SPATA1: variants seen among roughly 807,000 people sequenced by gnomAD.
SPATA1 encodes spermatogenesis-associated protein 1.
SPATA1 carries 57 observed loss-of-function variants against 59.6 expected under a neutral mutation model. The observed-to-expected ratio is 0.96, with a 90% confidence interval of 0.77 to 1.19. SPATA1 has a LOEUF of 1.19. Among genes scored for constraint, SPATA1 ranks in the 50% most tolerant of loss-of-function variants. The probability of loss-of-function intolerance (pLI) is 0.00; values close to 1 mark genes in which losing one functional copy is unlikely to be tolerated. For synonymous variants in SPATA1, 147 were observed against 163.9 expected (o/e 0.90, Z 0.79); for missense variants, 448 against 480.7 (o/e 0.93, Z 0.64).
At chr1:84,558,581 G>A (rs1018555804), downstream of SPATA1, among the ~76,000 whole-genome samples, 4 of 147,682 alleles carry the variant, frequency 2.7e-5, no homozygotes, top group South Asian at 2.2e-4. Flanking sequence ...GTGAGCCACC[G>A]CGCCCGGCCA....
At chr1:84,522,676 TA>T (rs1683075590) in intron 4 of SPATA1, among the ~76,000 whole-genome samples, 169 bp downstream of exon 4, 1 of 152,220 alleles carries the variant, frequency 6.6e-6, no homozygotes, top group Non-Finnish European at 1.5e-5. Flanking sequence ...ATAAGTTGCA[TA>T]GGCATGTTAT....
intron 12 of SPATA1, chr1:84,552,827 C>T: frequency 2.2e-6 from 1 of 460,550 alleles, no homozygotes; most frequent in South Asian, 3.0e-5. Context: ...TACCTTATAG[C>T]ATATCTCACC....
At chr1:84,566,714 C>T (rs112168764), downstream of SPATA1, among the ~76,000 whole-genome samples, 2 of 152,160 alleles carry the variant, frequency 1.3e-5, no homozygotes, top group Non-Finnish European at 2.9e-5. Flanking sequence ...CTCACTGCAA[C>T]CTCTGCCTCC....
chr1:84,532,132 T>G (rs1231207503), intron 6 of SPATA1, among the ~76,000 whole-genome samples: 2 of 152,212 alleles, frequency 1.3e-5, no homozygotes, highest in African/African-American at 4.8e-5. Context: ...TGTTCTGTAT[T>G]TATACCAGCA....
At chr1:84,509,626 C>T (rs904033352) in intron 1 of SPATA1, among the ~76,000 whole-genome samples, 3 of 152,116 alleles carry the variant, frequency 2.0e-5, no homozygotes, top group South Asian at 2.1e-4. Flanking sequence ...ATTAGCTGGG[C>T]GTAGTGGCAC....
chr1:84,519,036 A>G (rs1682909573), intron 2 of SPATA1, among the ~76,000 whole-genome samples: 1 of 152,086 alleles, frequency 6.6e-6, no homozygotes, highest in African/African-American at 2.4e-5. Flanking sequence ...CAGAGCCAGG[A>G]CTAGTCTGAG....
chr1:84,544,218 A>T (rs1684003923), exon 9 of SPATA1: 1 of 1,598,884 alleles, frequency 6.3e-7, no homozygotes. Context: ...GAAAAAGAGT[A>T]CATCACCCTA....
intron 12 of SPATA1, chr1:84,551,076 C>T: frequency 1.0e-6 from 1 of 985,244 alleles, no homozygotes; most frequent in Non-Finnish European, 1.2e-6. Context: ...TCTGGGCATG[C>T]TCTATTTGGT....
rs569614134 is a variant in SPATA1, at chr1:84,509,023, A to G, written c.-138+2605A>G. ...AATCTACAGATTCAGTGCAATCTCT[A>G]TCAAAATACCAATGACATTCTTCAC... On this transcript the variant is annotated intron_variant, in intron 1 of 12. Coordinates refer to ENST00000490879, the Ensembl canonical transcript of SPATA1. Among the ~76,000 whole-genome samples the G allele has an allele frequency of 4.9e-4, 74 of 152,290 alleles. 1 individual carries two copies. Among genetic ancestry groups the G allele is most frequent in the African/African-American group, 1.6e-3 (67 of 41,566 alleles).
chr1:84,558,425 G>A (rs1390328765), downstream of SPATA1, among the ~76,000 whole-genome samples: 1 of 150,068 alleles, frequency 6.7e-6, no homozygotes, highest in Non-Finnish European at 1.5e-5. Flanking sequence ...AAGTAGCTGG[G>A]ACTACAGGCG....
intron 4 of SPATA1, among the ~76,000 whole-genome samples, chr1:84,523,019 TC>T (rs1176012689): frequency 6.6e-6 from 1 of 151,828 alleles, no homozygotes; most frequent in East Asian, 1.9e-4. Context: ...CAAGCAATTC[TC>T]CTGCCTCCCG....
chr1:84,539,466 CTCAA>C (rs1683829965), intron 8 of SPATA1, among the ~76,000 whole-genome samples: 2 of 152,292 alleles, frequency 1.3e-5, no homozygotes, highest in Non-Finnish European at 2.9e-5. Flanking sequence ...ACTCTACATC[CTCAA>C]TAATACATAC....
chr1:84,533,057 GA>G, intron 7 of SPATA1, 83 bp downstream of exon 7: 1 of 883,294 alleles, frequency 1.1e-6, no homozygotes, highest in Non-Finnish European at 1.7e-6. Context: ...TTGTTATAAA[GA>G]CTTCTACTTA....
intron 4 of SPATA1, among the ~76,000 whole-genome samples, chr1:84,525,450 G>A (rs569234543): frequency 2.5e-4 from 38 of 152,034 alleles, no homozygotes; most frequent in African/African-American, 8.9e-4. Flanking sequence ...ATAGTGCCAG[G>A]GACATAGTAA....
At chr1:84,544,798 T>A (rs1028101424) in intron 9 of SPATA1, among the ~76,000 whole-genome samples, 4 of 151,838 alleles carry the variant, frequency 2.6e-5, no homozygotes, top group African/African-American at 9.7e-5. Flanking sequence ...TGGCCTCAAG[T>A]GATCCACCCA....
intron 7 of SPATA1, among the ~76,000 whole-genome samples, chr1:84,533,276 C>T (rs967400154): frequency 2.6e-5 from 4 of 152,058 alleles, no homozygotes; most frequent in Non-Finnish European, 5.9e-5. Flanking sequence ...TATCCTGCCT[C>T]TCTTAAGTTC....
chr1:84,507,784 ATG>A (rs1212147889), intron 1 of SPATA1, among the ~76,000 whole-genome samples: 2 of 152,124 alleles, frequency 1.3e-5, no homozygotes, highest in Non-Finnish European at 2.9e-5. Flanking sequence ...TAGGGAATAT[ATG>A]GTCCAATAAT....
In SPATA1 at chr1:84,516,271, A is replaced by G; in HGVS notation, c.-89A>G. ...ATCTTAAGCCAAAAAAAACTATTAT[A>G]ATTTTTATTTAGTACTACTTAAATG... is the stretch of plus-strand genomic sequence containing the variant. On this transcript the variant is annotated 5_prime_UTR_variant, in exon 2 of 13. The change creates a new upstream start codon in the 5' untranslated region. Coordinates refer to ENST00000490879, the Ensembl canonical transcript of SPATA1. 1 of 1,188,324 alleles carries G rather than the reference A, an allele frequency of 8.4e-7. No homozygotes were observed. The highest frequency in any genetic ancestry group is 1.1e-6 in the Non-Finnish European group (1 of 875,946). The allele number at this position is 1,188,324 out of a possible 1,614,324, so 73.6% of individuals were successfully genotyped here. A position where few individuals can be genotyped will look rare whatever the true frequency, so the allele number is the denominator to read the frequency against.
downstream of SPATA1, among the ~76,000 whole-genome samples, chr1:84,555,414 T>G (rs999453595): frequency 6.6e-6 from 1 of 152,230 alleles, no homozygotes; most frequent in African/African-American, 2.4e-5. Context: ...AAATGGTCCC[T>G]GACTTACAAT....
Sources: allele counts gnomAD v4.1 joint callset (sites outside exome capture counted in the v4.1 genomes callset), GRCh38; gene constraint gnomAD v4.1.1; transcripts MANE v1.5; gene names NCBI Gene and HGNC (gene_info 2026-07-23, HGNC 2026-07-21).